Variants in ST6GAL1 observed in about 807,000 individuals in gnomAD.
ST6GAL1 encodes the protein ST6 beta-galactoside alpha-2,6-sialyltransferase 1.
In ST6GAL1, 20 loss-of-function variants were observed where a neutral mutation model predicts 38.0. That is an observed-to-expected ratio of 0.53 (90% CI 0.37 to 0.77). The LOEUF (loss-of-function observed/expected upper bound fraction) is 0.77. ST6GAL1 is among the 30% of genes least tolerant of loss of function. The probability of loss-of-function intolerance (pLI) is 0.00; values close to 1 mark genes in which losing one functional copy is unlikely to be tolerated. For missense variants in ST6GAL1, 432 were observed against 496.4 expected, an observed-to-expected ratio of 0.87 and a Z score of 1.23; for synonymous variants, 196 against 188.2, an observed-to-expected ratio of 1.04 and a Z score of -0.34.
chr3:187,075,834 A>C lies in ST6GAL1; in HGVS notation c.*31A>C. The C allele has an allele frequency of 6.2e-7, 1 of 1,609,948 alleles. No homozygotes were observed. Among genetic ancestry groups the C allele is most frequent in the Non-Finnish European group, 8.5e-7 (1 of 1,176,732 alleles). ...GGCTCCTCACTCTTCTCCATCAGGCATTAAATGAATGGTCTCTTGGCCACC... is the reference window on the plus strand; with the variant it reads ...GGCTCCTCACTCTTCTCCATCAGGCCTTAAATGAATGGTCTCTTGGCCACC... On this transcript the variant is annotated 3_prime_UTR_variant, in exon 8 of 8. Transcript: ENST00000169298. This position sits in a 1 kb window ranked among gnomAD's most constrained non-coding sequence, Gnocchi z 4.1.
intron 4 of ST6GAL1, among the ~76,000 whole-genome samples, chr3:187,044,613 C>G (rs1718235526): frequency 6.6e-6 from 1 of 152,166 alleles, no homozygotes; most frequent in Admixed American, 6.5e-5. Flanking sequence ...TCTTTCTTCT[C>G]CATTTTTGCT....
intron 2 of ST6GAL1, among the ~76,000 whole-genome samples, chr3:187,020,466 T>A (rs1717259697): frequency 6.6e-6 from 1 of 152,226 alleles, no homozygotes; most frequent in Admixed American, 6.5e-5. Flanking sequence ...GTAACATCTA[T>A]AAGACCTGCT....
At chr3:186,991,799 G>T (rs1456319816) in intron 2 of ST6GAL1, among the ~76,000 whole-genome samples, 1 of 152,120 alleles carries the variant, frequency 6.6e-6, no homozygotes, top group African/African-American at 2.4e-5. Context: ...TGTTGAGCTT[G>T]TGGGCAGGAA....
intron 2 of ST6GAL1, chr3:186,986,639 T>G (rs567391741): frequency 1.1e-4 from 17 of 152,314 alleles, no homozygotes; most frequent in African/African-American, 4.1e-4. Flanking sequence ...ACGGCGATTA[T>G]GTTTTCAAGA....
chr3:187,036,120 G>A (rs1476135483), intron 2 of ST6GAL1, among the ~76,000 whole-genome samples: 2 of 152,152 alleles, frequency 1.3e-5, no homozygotes, highest in Non-Finnish European at 2.9e-5. Flanking sequence ...ATTCTCAAAA[G>A]ATGCATATAA....
chr3:186,982,513 CGAT>C (rs1715727694), intron 2 of ST6GAL1, among the ~76,000 whole-genome samples: 1 of 151,992 alleles, frequency 6.6e-6, no homozygotes, highest in Non-Finnish European at 1.5e-5. Flanking sequence ...TTTTGAGGAG[CGAT>C]GACAACTGAG....
At chr3:186,965,524 G>T (rs1253948889) in intron 2 of ST6GAL1, among the ~76,000 whole-genome samples, 1 of 152,192 alleles carries the variant, frequency 6.6e-6, no homozygotes, top group Non-Finnish European at 1.5e-5. Context: ...TTGTAGAATT[G>T]TAGGTTCAGA....
intron 1 of ST6GAL1, among the ~76,000 whole-genome samples, chr3:186,957,915 A>T (rs937610982): frequency 6.6e-6 from 1 of 152,190 alleles, no homozygotes. Context: ...TTTTTTGAGG[A>T]ATCTATGATG....
intron 1 of ST6GAL1, among the ~76,000 whole-genome samples, chr3:186,962,925 C>A (rs866781609): frequency 1.1e-4 from 17 of 152,196 alleles, no homozygotes; most frequent in Middle Eastern, 3.4e-3. Context: ...ACGGCACTTA[C>A]TAAACCATGC....
chr3:187,027,991 T>C (rs1040641615), intron 2 of ST6GAL1, among the ~76,000 whole-genome samples: 28 of 152,202 alleles, frequency 1.8e-4, no homozygotes, highest in Non-Finnish European at 4.4e-5. Context: ...AGACTGAACA[T>C]TGACCATTTG....
intron 1 of ST6GAL1, among the ~76,000 whole-genome samples, chr3:186,944,886 G>T (rs1714302703): frequency 6.6e-6 from 1 of 152,180 alleles, no homozygotes; most frequent in African/African-American, 2.4e-5. Context: ...CTGGGAAAAA[G>T]TCTCCAGCTG....
intron 2 of ST6GAL1, among the ~76,000 whole-genome samples, chr3:187,016,729 C>T (rs1579324264): frequency 6.6e-6 from 1 of 152,324 alleles, no homozygotes; most frequent in East Asian, 1.9e-4. Context: ...CAGCCCCTGC[C>T]TCCCAGGAGG....
rs1386280477 is a variant in ST6GAL1, at chr3:186,995,527, T to TAA, written c.-183+31610_-183+31611dup. On this transcript the variant is annotated intron_variant, in intron 2 of 7. Transcript: ENST00000169298. ...TCTCAAAAAAAAAATAATAATAAAA[T>TAA]AAAAAAAAAATAAAGAAATTGTTAA... Among the ~76,000 whole-genome samples, 616 of 113,352 alleles carry TAA rather than the reference T, an allele frequency of 5.4e-3. 7 individuals are homozygous for TAA. The highest frequency in any genetic ancestry group is 0.011 in the Middle Eastern group (2 of 180). 74.4% of individuals were successfully genotyped at this position (113,352 alleles called of 152,430 possible).
In ST6GAL1 at chr3:186,952,063, C is replaced by T. The variant is rs542327725; in HGVS notation, c.-324-11722C>T. Among the ~76,000 whole-genome samples the T allele has an allele frequency of 5.9e-5, 9 of 152,158 alleles. No homozygotes were observed. The highest frequency in any genetic ancestry group is 8.8e-5 in the Non-Finnish European group (6 of 68,030). On this transcript the variant is annotated intron_variant, in intron 1 of 7. Coordinates refer to ENST00000169298, the MANE Select transcript of ST6GAL1 (RefSeq NM_173216.2). This position sits in a 1 kb window ranked among gnomAD's most constrained non-coding sequence, Gnocchi z 4.1. ...ATAAAGAAAAGAGGTTTATTTGGCTCATGATTCTGCAGGCTGTACAGGCAT... is the reference window on the plus strand; with the variant it reads ...ATAAAGAAAAGAGGTTTATTTGGCTTATGATTCTGCAGGCTGTACAGGCAT...
chr3:186,986,456 G>GACCACC (rs202183629), intron 2 of ST6GAL1: 4 of 152,438 alleles, frequency 2.6e-5, no homozygotes, highest in South Asian at 2.1e-4. Context: ...CAGCAACAAT[G>GACCACC]ACCACCACCA....
intron 2 of ST6GAL1, among the ~76,000 whole-genome samples, chr3:187,027,184 AG>A (rs1224549053): frequency 2.6e-5 from 4 of 152,228 alleles, no homozygotes; most frequent in African/African-American, 9.6e-5. Context: ...TTGATCTAAC[AG>A]GCATAAAATT....
At chr3:186,976,669 A>T (rs972503515) in intron 2 of ST6GAL1, among the ~76,000 whole-genome samples, 1 of 152,166 alleles carries the variant, frequency 6.6e-6, no homozygotes, top group African/African-American at 2.4e-5. Context: ...ACCTCAAGTG[A>T]TCCACCTAGT....
chr3:187,018,586 T>TATTCACAAGTCTAGG (rs1717194407), intron 2 of ST6GAL1, among the ~76,000 whole-genome samples: 1 of 151,812 alleles, frequency 6.6e-6, no homozygotes, highest in Non-Finnish European at 1.5e-5. Flanking sequence ...GGAAGTCTAG[T>TATTCACAAGTCTAGG]CTATTCACAT....
intron 1 of ST6GAL1, among the ~76,000 whole-genome samples, chr3:186,945,754 A>T (rs1714336363): frequency 6.7e-6 from 1 of 150,034 alleles, no homozygotes; most frequent in African/African-American, 2.5e-5. Context: ...TGGGAGGCCA[A>T]GGCGGGTGGA....
Sources: allele counts gnomAD v4.1 joint callset (sites outside exome capture counted in the v4.1 genomes callset), GRCh38; gene constraint gnomAD v4.1.1; non-coding constraint Gnocchi (gnomAD v3.1); transcripts MANE v1.5; gene names NCBI Gene and HGNC (gene_info 2026-07-23, HGNC 2026-07-21).